Variants in CAMKMT observed in about 807,000 individuals in gnomAD.
CAMKMT encodes the protein calmodulin-lysine N-methyltransferase.
Under a neutral mutation model 48.0 loss-of-function variants are expected in CAMKMT, and 53 were observed. The ratio of observed to expected loss-of-function variants is 1.10; its 90% confidence interval spans 0.89 to 1.39. CAMKMT has a LOEUF of 1.39. CAMKMT is among the 40% of genes most tolerant of loss of function. CAMKMT has a pLI of 0.00. For synonymous variants in CAMKMT, 165 were observed against 152.3 expected, an observed-to-expected ratio of 1.08 and a Z score of -0.61; for missense variants, 428 against 402.7, an observed-to-expected ratio of 1.06 and a Z score of -0.54.
chr2:44,574,718 A>G (rs1669113615), intron 3 of CAMKMT, among the ~76,000 whole-genome samples: 1 of 152,016 alleles, frequency 6.6e-6, no homozygotes, highest in African/African-American at 2.4e-5. Context: ...GCTCCCATCT[A>G]GGAAAATGAT....
chr2:44,501,215 A>C (rs1669989652), intron 3 of CAMKMT, among the ~76,000 whole-genome samples: 1 of 151,864 alleles, frequency 6.6e-6, no homozygotes, highest in African/African-American at 2.4e-5. Context: ...TTCTTTCTGC[A>C]ATGGTAGGTT....
intron 3 of CAMKMT, among the ~76,000 whole-genome samples, chr2:44,644,608 A>G (rs1673633137): frequency 6.6e-6 from 1 of 152,178 alleles, no homozygotes; most frequent in Middle Eastern, 3.2e-3. Flanking sequence ...TTGCTGTTTT[A>G]TTTCGTTGAC....
intron 3 of CAMKMT, among the ~76,000 whole-genome samples, chr2:44,630,478 A>C (rs1400531091): frequency 1.3e-5 from 2 of 148,492 alleles, no homozygotes; most frequent in East Asian, 3.9e-4. Context: ...AATGGGAGAA[A>C]ATTTTCGCAA....
At chr2:44,605,811 G>T (rs900654273) in intron 3 of CAMKMT, among the ~76,000 whole-genome samples, 1 of 152,008 alleles carries the variant, frequency 6.6e-6, no homozygotes, top group African/African-American at 2.4e-5. Context: ...ACAGATTAGA[G>T]TCTTGCATGT....
At chr2:44,726,203 A>C (rs915569411) in intron 7 of CAMKMT, among the ~76,000 whole-genome samples, 3 of 152,224 alleles carry the variant, frequency 2.0e-5, no homozygotes, top group Non-Finnish European at 4.4e-5. Context: ...AGAAATTTTC[A>C]GACAGCTTTC....
At chr2:44,431,810 A>T (rs1443534058) in intron 3 of CAMKMT, among the ~76,000 whole-genome samples, 2 of 152,172 alleles carry the variant, frequency 1.3e-5, no homozygotes, top group African/African-American at 4.8e-5. Context: ...GTGGTAATAG[A>T]CAACTAGAAA....
At chr2:44,768,359 ATATT>A (rs1680938818) in intron 10 of CAMKMT, among the ~76,000 whole-genome samples, 1 of 101,532 alleles carries the variant, frequency 9.8e-6, no homozygotes, top group African/African-American at 4.0e-5. Context: ...ATATATATAT[ATATT>A]TTTTTTTTTT....
intron 3 of CAMKMT, among the ~76,000 whole-genome samples, chr2:44,446,338 ATTATTTATTTAT>A (rs552143802): frequency 6.6e-6 from 1 of 151,544 alleles, no homozygotes; most frequent in Non-Finnish European, 1.5e-5. Context: ...TTTCCCTTAT[ATTATTTATTTAT>A]TTATTTATTT....
intron 1 of CAMKMT, chr2:44,370,123 A>C (rs2616449): frequency 0.81 from 123,105 of 152,140 alleles, 50,282 homozygotes; most frequent in African/African-American, 0.92. Context: ...CTTGGGTTTG[A>C]CTCTTGTGAG....
At chr2:44,758,406 CCAAA>C (rs1680471652) in intron 9 of CAMKMT, among the ~76,000 whole-genome samples, 1 of 152,166 alleles carries the variant, frequency 6.6e-6, no homozygotes, top group African/African-American at 2.4e-5. Context: ...AGATTCTCAA[CCAAA>C]CAGGCACCTG....
At chr2:44,488,969 G>A (rs1669350125) in intron 3 of CAMKMT, among the ~76,000 whole-genome samples, 1 of 151,708 alleles carries the variant, frequency 6.6e-6, no homozygotes, top group African/African-American at 2.4e-5. Context: ...GGGCTCAAGG[G>A]ATCCTCCTGT....
chr2:44,569,432 T>C (rs1175590323), intron 3 of CAMKMT, among the ~76,000 whole-genome samples: 1 of 152,238 alleles, frequency 6.6e-6, no homozygotes, highest in Admixed American at 6.5e-5. Flanking sequence ...TCATTTTCTT[T>C]TTTTATTTTA....
chr2:44,640,023 C>T (rs1673362219), intron 3 of CAMKMT, among the ~76,000 whole-genome samples: 2 of 152,150 alleles, frequency 1.3e-5, no homozygotes, highest in Admixed American at 6.5e-5. Context: ...AGCAAATACC[C>T]ATTTCCCTCC....
intron 3 of CAMKMT, among the ~76,000 whole-genome samples, chr2:44,585,234 T>G (rs1167224239): frequency 6.6e-6 from 1 of 152,172 alleles, no homozygotes; most frequent in Admixed American, 6.5e-5. Flanking sequence ...TAGGAGAGCA[T>G]GAAGCACTGG....
rs760155636 is a variant in CAMKMT at position 44,715,294 on chromosome 2, A to T, written c.564A>T (p.Gln188His). Residue 188 changes from glutamine to histidine, a missense_variant, in exon 7 of 11, where the codon CAA becomes CAT. Transcript: ENST00000378494. Reference protein sequence around the residue: ...DGNEKAIRNVQDIITRNQKAG... With the variant: ...DGNEKAIRNVHDIITRNQKAG... ...CTTAACTGTGTCCTGTAGATGTGCA[A>T]GACATCATCACAAGGAATCAGAAGG... The T allele has an allele frequency of 3.1e-6, 5 of 1,612,180 alleles. No homozygotes were observed. In the Admixed American group the frequency reaches 8.3e-5, roughly 27 times the overall value.
chr2:44,648,949 A>G (rs1335050219), intron 3 of CAMKMT, among the ~76,000 whole-genome samples: 1 of 152,212 alleles, frequency 6.6e-6, no homozygotes, highest in Admixed American at 6.5e-5. Context: ...CCCTTTCTTT[A>G]TAAAAAGTCA....
intron 3 of CAMKMT, among the ~76,000 whole-genome samples, chr2:44,496,678 T>C (rs1386153474): frequency 6.6e-6 from 1 of 152,236 alleles, no homozygotes; most frequent in Non-Finnish European, 1.5e-5. Context: ...CCTAAGGGAA[T>C]ATGACTTTGA....
chr2:44,719,462 G>A (rs535336249), intron 7 of CAMKMT, among the ~76,000 whole-genome samples: 23 of 152,302 alleles, frequency 1.5e-4, no homozygotes, highest in South Asian at 1.5e-3. Flanking sequence ...AAACAAGATG[G>A]AAAAGGCCGT....
intron 3 of CAMKMT, among the ~76,000 whole-genome samples, chr2:44,662,140 T>G (rs564657574): frequency 6.6e-6 from 1 of 152,346 alleles, no homozygotes; most frequent in East Asian, 1.9e-4. Context: ...ACAGTTCCCA[T>G]GTTTTACTCT....
Sources: gnomAD v4.1 joint callset for allele counts (sites outside exome capture counted in the v4.1 genomes callset) on GRCh38, gnomAD v4.1.1 for gene constraint, MANE v1.5 for transcripts, NCBI Gene and HGNC (gene_info 2026-07-23, HGNC 2026-07-21) for gene names.